Variants in CHRM3 observed in about 807,000 individuals in gnomAD.
CHRM3 encodes cholinergic receptor muscarinic 3, also known as muscarinic acetylcholine receptor M3.
Under a neutral mutation model 41.8 loss-of-function variants are expected in CHRM3, and 11 were observed. That is an observed-to-expected ratio of 0.26 (90% CI 0.17 to 0.44). CHRM3 has a LOEUF of 0.44. Among genes scored for constraint, CHRM3 ranks in the 20% least tolerant of loss-of-function variants. The pLI is 1.00. For synonymous variants in CHRM3, 297 were observed against 301.4 expected (o/e 0.99, Z 0.15); for missense variants, 571 against 745.4 (o/e 0.77, Z 2.72).
chr1:239,905,084 G>C (rs1679867190), intron 6 of CHRM3, among the ~76,000 whole-genome samples: 1 of 152,166 alleles, frequency 6.6e-6, no homozygotes. Context: ...ATACTACTGT[G>C]AATGCTGAAT....
At chr1:239,757,896 A>C (rs1017512169) in intron 5 of CHRM3, among the ~76,000 whole-genome samples, 1 of 152,208 alleles carries the variant, frequency 6.6e-6, no homozygotes, top group Non-Finnish European at 1.5e-5. Flanking sequence ...TCCTGGTGGT[A>C]TGAAGATGTT....
At chr1:239,592,643 A>G (rs921860288) in intron 3 of CHRM3, among the ~76,000 whole-genome samples, 2 of 152,118 alleles carry the variant, frequency 1.3e-5, no homozygotes, top group African/African-American at 4.8e-5. Flanking sequence ...ATTTTTTTAT[A>G]TCACCAAATA....
intron 1 of CHRM3, among the ~76,000 whole-genome samples, chr1:239,398,482 C>G (rs964122873): frequency 6.6e-6 from 1 of 151,982 alleles, no homozygotes; most frequent in Non-Finnish European, 1.5e-5. Flanking sequence ...GTGATCTGCC[C>G]GCCTCGGCCT....
chr1:239,435,454 A>AT (rs778401190), intron 1 of CHRM3, among the ~76,000 whole-genome samples: 1 of 138,476 alleles, frequency 7.2e-6, no homozygotes. Context: ...CTCTCATAAA[A>AT]TTTAAAAAAA....
At chr1:239,444,827 G>A (rs561306139) in intron 1 of CHRM3, among the ~76,000 whole-genome samples, 2 of 152,174 alleles carry the variant, frequency 1.3e-5, no homozygotes, top group Non-Finnish European at 2.9e-5. Context: ...GAACTAAGAG[G>A]TGGGATTAGA....
At chr1:239,487,009 A>G (rs529794722) in intron 1 of CHRM3, among the ~76,000 whole-genome samples, 5 of 152,316 alleles carry the variant, frequency 3.3e-5, no homozygotes, top group South Asian at 4.1e-4. Context: ...TCCAATTTCT[A>G]GATAGAACTT....
rs573350119 is a variant in CHRM3, at chr1:239,913,832, G to A, written c.*4608G>A. 5 of 167,064 alleles carry A rather than the reference G, an allele frequency of 3.0e-5. No homozygotes were observed. The highest frequency in any genetic ancestry group is 9.7e-5 in the African/African-American group (4 of 41,438). 10.3% of individuals were successfully genotyped at this position (167,064 alleles called of 1,614,324 possible). Reference sequence around the variant, plus strand: ...AGGCACACATCACGTTCACAGCTTCGCGCAGAGACGGATAGTGTATTTGGA... The same window carrying A: ...AGGCACACATCACGTTCACAGCTTCACGCAGAGACGGATAGTGTATTTGGA... On this transcript the variant is annotated 3_prime_UTR_variant, in exon 7 of 7. Transcript: ENST00000676153.
chr1:239,437,028 T>TA (rs938781099), intron 1 of CHRM3, among the ~76,000 whole-genome samples: 4 of 151,936 alleles, frequency 2.6e-5, no homozygotes, highest in East Asian at 1.9e-4. Flanking sequence ...CAGGAACTCT[T>TA]AAAAAAAATG....
chr1:239,613,240 T>C (rs1010414197), intron 3 of CHRM3, among the ~76,000 whole-genome samples: 3 of 152,138 alleles, frequency 2.0e-5, no homozygotes, highest in Admixed American at 2.0e-4. Flanking sequence ...GCATGTAGGG[T>C]GTGCACAAGC....
chr1:239,751,056 C>T (rs903306864), intron 5 of CHRM3, among the ~76,000 whole-genome samples: 3 of 151,750 alleles, frequency 2.0e-5, no homozygotes, highest in Non-Finnish European at 2.9e-5. Flanking sequence ...GGTGAAACTC[C>T]GTCTCTACTA....
chr1:239,870,306 G>A (rs1203895570), intron 6 of CHRM3, among the ~76,000 whole-genome samples: 1 of 152,218 alleles, frequency 6.6e-6, no homozygotes, highest in Non-Finnish European at 1.5e-5. Flanking sequence ...CCCCAGGTGG[G>A]TAACAGTTGT....
chr1:239,880,130 G>C (rs1219561384), intron 6 of CHRM3, among the ~76,000 whole-genome samples: 1 of 152,216 alleles, frequency 6.6e-6, no homozygotes, highest in Non-Finnish European at 1.5e-5. Context: ...AAAAGAACAA[G>C]GCAATCCGAG....
Position 239,453,945 on chromosome 1 carries a change from G to T in CHRM3, c.-520-38764G>T, listed in dbSNP as rs568024154. On this transcript the variant is annotated intron_variant, in intron 1 of 6. Coordinates refer to ENST00000676153, the MANE Select transcript of CHRM3 (RefSeq NM_001375978.1). ...CAGACCGCAGCACAGTTAGGAGAAA[G>T]TCTTAGCCAGGTTGATGGGAAGTGT... Among the ~76,000 whole-genome samples, 8 of 152,246 alleles carry T rather than the reference G, an allele frequency of 5.3e-5. No homozygotes were observed. In the South Asian group the frequency reaches 1.7e-3, roughly 32 times the overall value.
intron 6 of CHRM3, among the ~76,000 whole-genome samples, chr1:239,904,286 A>G (rs1338018823): frequency 6.6e-6 from 1 of 152,186 alleles, no homozygotes; most frequent in Non-Finnish European, 1.5e-5. Flanking sequence ...CTGGATGAAT[A>G]AAGATGATAA....
At chr1:239,485,798 A>T (rs1250916085) in intron 1 of CHRM3, among the ~76,000 whole-genome samples, 3 of 152,170 alleles carry the variant, frequency 2.0e-5, no homozygotes, top group Admixed American at 6.6e-5. Flanking sequence ...TGCTAAACTG[A>T]GTACCCTGTC....
intron 1 of CHRM3, among the ~76,000 whole-genome samples, chr1:239,415,464 C>T (rs980616202): frequency 6.6e-6 from 1 of 151,992 alleles, no homozygotes; most frequent in Non-Finnish European, 1.5e-5. Context: ...AATATTCCTT[C>T]TTCTCTGTTA....
rs1257031273 is a variant in CHRM3, at chr1:239,597,860, T to TTTG, written c.-312-34362_-312-34361insGTT. ...GGTCAAAAAAAAAAACTGTCAGAGT[T>TTTG]TTTTTTTTTTTTTTTTAGGGGAAAG... On this transcript the variant is annotated intron_variant, in intron 3 of 6. Coordinates refer to ENST00000676153, the MANE Select transcript of CHRM3 (RefSeq NM_001375978.1). Among the ~76,000 whole-genome samples the TTTG allele has an allele frequency of 2.1e-3, 316 of 147,564 alleles. 8 individuals carry two copies. Among genetic ancestry groups the TTTG allele is most frequent in the Admixed American group, 0.019 (287 of 14,806 alleles).
intron 4 of CHRM3, among the ~76,000 whole-genome samples, chr1:239,676,254 G>A (rs137918720): frequency 2.7e-3 from 405 of 152,312 alleles, no homozygotes; most frequent in Non-Finnish European, 3.8e-3. Context: ...TAAGTCTGCA[G>A]GGGAAATTTG....
intron 5 of CHRM3, among the ~76,000 whole-genome samples, chr1:239,737,028 G>A (rs1664449116): frequency 6.6e-6 from 1 of 152,026 alleles, no homozygotes; most frequent in Admixed American, 6.6e-5. Flanking sequence ...TCATTTAAGG[G>A]ACTTTTCTAT....
Sources: allele counts gnomAD v4.1 joint callset (sites outside exome capture counted in the v4.1 genomes callset), GRCh38; gene constraint gnomAD v4.1.1; transcripts MANE v1.5; gene names NCBI Gene and HGNC (gene_info 2026-07-23, HGNC 2026-07-21).